The following PEAK1 variants were observed in gnomAD, a reference collection of about 807,000 sequenced individuals.
PEAK1 encodes inactive tyrosine-protein kinase PEAK1.
Under a neutral mutation model 124.7 loss-of-function variants are expected in PEAK1, and 54 were observed. The ratio of observed to expected loss-of-function variants is 0.43; its 90% confidence interval spans 0.35 to 0.54. PEAK1 has a LOEUF of 0.54. Among genes scored for constraint, PEAK1 ranks in the 20% least tolerant of loss-of-function variants. The probability of loss-of-function intolerance (pLI) is 0.01; values close to 1 mark genes in which losing one functional copy is unlikely to be tolerated. For synonymous variants in PEAK1, 719 were observed against 760.0 expected, an observed-to-expected ratio of 0.95 and a Z score of 0.89; for missense variants, 2,046 against 2,134.5, an observed-to-expected ratio of 0.96 and a Z score of 0.82.
chr15:77,253,253 G>C (rs1280358760), intron 5 of PEAK1, among the ~76,000 whole-genome samples: 1 of 149,190 alleles, frequency 6.7e-6, no homozygotes, highest in Non-Finnish European at 1.5e-5. Context: ...GTTGGGGGGG[G>C]GGTGGTCCTG....
At chr15:77,177,869 T>A (rs2056980799) in intron 7 of PEAK1, 1 of 152,176 alleles carries the variant, frequency 6.6e-6, no homozygotes, top group African/African-American at 2.4e-5. Context: ...AGTGAGAATA[T>A]AACAATTTTT....
At chr15:77,395,366 G>C (rs934452540) in intron 1 of PEAK1, among the ~76,000 whole-genome samples, 4 of 152,138 alleles carry the variant, frequency 2.6e-5, no homozygotes, top group Admixed American at 6.6e-5. Flanking sequence ...GGCAGAGAGA[G>C]AGAGGGGCAG....
intron 7 of PEAK1, among the ~76,000 whole-genome samples, chr15:77,173,938 T>G (rs191056838): frequency 2.6e-5 from 4 of 152,238 alleles, no homozygotes. Flanking sequence ...CTAATAACAT[T>G]TTTAAGCAGT....
At chr15:77,203,312 T>C (rs2058463399) in intron 6 of PEAK1, among the ~76,000 whole-genome samples, 2 of 152,162 alleles carry the variant, frequency 1.3e-5, no homozygotes, top group African/African-American at 2.4e-5. Context: ...TATTGTTCAA[T>C]AGTCAATAAA....
rs544769793 is a variant in PEAK1, at chr15:77,388,499, G to A, written c.-665-23274C>T. ...AAAAGACGACTCATATTGGCATCTC[G>A]TTTACAGAAAAATATAATTTAATAC... On this transcript the variant is annotated intron_variant, in intron 1 of 9. Coordinates refer to ENST00000682557, the MANE Select transcript of PEAK1 (RefSeq NM_001385026.1). Among the ~76,000 whole-genome samples, 4 of 152,162 alleles carry A rather than the reference G, an allele frequency of 2.6e-5. No homozygotes were observed. In the South Asian group the frequency reaches 6.2e-4, roughly 24 times the overall value.
At chr15:77,334,899 T>G in intron 2 of PEAK1, 1 of 985,418 alleles carries the variant, frequency 1.0e-6, no homozygotes, top group Non-Finnish European at 1.2e-6. Context: ...TCCTTTTTAT[T>G]ACTGATATCC....
intron 7 of PEAK1, among the ~76,000 whole-genome samples, chr15:77,176,116 A>G (rs1409295807): frequency 6.7e-6 from 1 of 149,316 alleles, no homozygotes; most frequent in African/African-American, 2.5e-5. Flanking sequence ...GTGGGGGGAG[A>G]GGGGAGGGAT....
intron 6 of PEAK1, among the ~76,000 whole-genome samples, chr15:77,226,221 A>G (rs146599423): frequency 0.011 from 1,514 of 140,224 alleles, 27 homozygotes; most frequent in African/African-American, 0.037. Flanking sequence ...CATTCTAAAG[A>G]TATTTCAAGA....
chr15:77,379,414 T>C (rs1331886889), intron 1 of PEAK1, among the ~76,000 whole-genome samples: 2 of 152,156 alleles, frequency 1.3e-5, no homozygotes, highest in Admixed American at 6.5e-5. Flanking sequence ...TCTAGAAATA[T>C]ATACAAATCC....
intron 8 of PEAK1, among the ~76,000 whole-genome samples, chr15:77,153,451 A>AT (rs2054840126): frequency 6.6e-6 from 1 of 152,052 alleles, no homozygotes; most frequent in Non-Finnish European, 1.5e-5. Flanking sequence ...GGATTCATTG[A>AT]TTTTTTGAAG....
chr15:77,352,521 T>C, intron 2 of PEAK1: 1 of 981,408 alleles, frequency 1.0e-6, no homozygotes, highest in East Asian at 1.1e-4. Flanking sequence ...AATTTAAAAA[T>C]ACATACATTT....
chr15:77,221,491 C>T (rs147628699), intron 6 of PEAK1, among the ~76,000 whole-genome samples: 152 of 152,162 alleles, frequency 1.0e-3, no homozygotes, highest in Non-Finnish European at 1.8e-3. Context: ...TGAAGTGAGA[C>T]AAATGATAGT....
intron 1 of PEAK1, chr15:77,402,891 G>T: frequency 1.0e-6 from 1 of 985,386 alleles, no homozygotes; most frequent in South Asian, 4.7e-5. Flanking sequence ...ATGACTCAGT[G>T]AGTGGGCAGT....
chr15:77,301,211 C>G (rs904313664), intron 2 of PEAK1, among the ~76,000 whole-genome samples: 12 of 152,172 alleles, frequency 7.9e-5, no homozygotes, highest in African/African-American at 2.4e-4. Context: ...ACTCTTCTAA[C>G]TTCTGGTGGC....
intron 8 of PEAK1, among the ~76,000 whole-genome samples, chr15:77,151,753 T>G (rs887398114): frequency 6.6e-6 from 1 of 152,214 alleles, no homozygotes; most frequent in East Asian, 1.9e-4. Flanking sequence ...CCCAGCACCA[T>G]TTATTAAATA....
chr15:77,419,690 C>G, intron 1 of PEAK1: 1 of 984,664 alleles, frequency 1.0e-6, no homozygotes, highest in Non-Finnish European at 1.2e-6. Context: ...CGCGGCAGGT[C>G]CCAACTTTCC....
intron 6 of PEAK1, among the ~76,000 whole-genome samples, chr15:77,226,060 T>TA (rs1555449121): frequency 1.1e-5 from 1 of 89,032 alleles, no homozygotes; most frequent in African/African-American, 3.5e-5. Flanking sequence ...TATATATATA[T>TA]ATATATATAT....
rs1377579123 is a variant in PEAK1 at position 77,102,621 on chromosome 15, C to T, written c.*11535G>A. The T allele has an allele frequency of 2.0e-5, 3 of 152,122 alleles. No homozygotes were observed. The East Asian group carries it at 5.8e-4, about 29-fold the overall frequency. 9.4% of individuals were successfully genotyped at this position (152,122 alleles called of 1,614,324 possible). A position where few individuals can be genotyped will look rare whatever the true frequency, so the allele number is the denominator to read the frequency against. ...TTTCCAAATAGCTAACCAATTGTACCAGCACATTGGATAAACTTCCTTCCC... is the reference window on the plus strand; with the variant it reads ...TTTCCAAATAGCTAACCAATTGTACTAGCACATTGGATAAACTTCCTTCCC... On this transcript the variant is annotated 3_prime_UTR_variant, in exon 7 of 7. Transcript: ENST00000560626.
At chr15:77,132,910 A>G (rs35381299) in intron 9 of PEAK1, 95 bp downstream of exon 9, 123,729 of 1,267,376 alleles carry the variant, frequency 0.098, 6,546 homozygotes, top group Admixed American at 0.12. Flanking sequence ...GCTGAATGGA[A>G]GAATGAAGGA....
Sources: allele counts gnomAD v4.1 joint callset (sites outside exome capture counted in the v4.1 genomes callset), GRCh38; gene constraint gnomAD v4.1.1; transcripts MANE v1.5; gene names NCBI Gene and HGNC (gene_info 2026-07-23, HGNC 2026-07-21).